TLN2: variants seen among roughly 807,000 people sequenced by gnomAD.
TLN2 encodes talin-2.
Under a neutral mutation model 294.7 loss-of-function variants are expected in TLN2, and 118 were observed. That is an observed-to-expected ratio of 0.40 (90% CI 0.34 to 0.47). The LOEUF is 0.47. Ranked by LOEUF, TLN2 falls within the 20% of genes least tolerant of loss-of-function variation. The pLI is 0.84. For synonymous variants in TLN2, 1,431 were observed against 1,304.5 expected, an observed-to-expected ratio of 1.10 and a Z score of -2.09; for missense variants, 3,083 against 3,282.2, an observed-to-expected ratio of 0.94 and a Z score of 1.48.
At chr15:62,772,511 C>G (rs1314254846) in intron 42 of TLN2, among the ~76,000 whole-genome samples, 1 of 152,128 alleles carries the variant, frequency 6.6e-6, no homozygotes, top group Non-Finnish European at 1.5e-5. Context: ...CAAAGGGGTG[C>G]CTCCCCCAAA....
intron 9 of TLN2, among the ~76,000 whole-genome samples, chr15:62,673,310 C>CTTTTTTTTGTTTTTTTTTT (rs2055687869): frequency 2.3e-5 from 1 of 42,856 alleles, no homozygotes; most frequent in Non-Finnish European, 4.3e-5. Flanking sequence ...TTAGATGTTG[C>CTTTTTTTTGTTTTTTTTTT]TTTTTTTTTT....
chr15:62,606,382 C>T (rs1295735269), intron 2 of TLN2, among the ~76,000 whole-genome samples: 4 of 152,056 alleles, frequency 2.6e-5, no homozygotes, highest in African/African-American at 4.8e-5. Context: ...TGAACCACCA[C>T]GCCTGGCCCC....
At chr15:62,575,293 G>A (rs763547776) in intron 1 of TLN2, among the ~76,000 whole-genome samples, 3 of 152,094 alleles carry the variant, frequency 2.0e-5, no homozygotes, top group South Asian at 2.1e-4. Flanking sequence ...GCACTCCAGC[G>A]TGAGTGACAG....
chr15:62,432,074 G>A (rs191366427), intron 1 of TLN2, among the ~76,000 whole-genome samples: 15 of 152,298 alleles, frequency 9.8e-5, no homozygotes, highest in African/African-American at 2.6e-4. Flanking sequence ...TCGTCCTGGT[G>A]TAATAGCAGT....
chr15:62,766,467 C>T, intron 41 of TLN2, 45 bp downstream of exon 41: 1 of 1,548,078 alleles, frequency 6.5e-7, no homozygotes, highest in Non-Finnish European at 8.9e-7. Flanking sequence ...CGTGTTATCA[C>T]AGGAGAGAGG....
At chr15:62,401,225 TCTC>T (rs2032997088) in intron 1 of TLN2, among the ~76,000 whole-genome samples, 1 of 152,176 alleles carries the variant, frequency 6.6e-6, no homozygotes, top group South Asian at 2.1e-4. Flanking sequence ...TTCTCACTGA[TCTC>T]CTAGTTCTAA....
intron 10 of TLN2, among the ~76,000 whole-genome samples, chr15:62,674,480 C>T (rs971460715): frequency 2.0e-5 from 3 of 150,988 alleles, no homozygotes; most frequent in Admixed American, 6.6e-5. Flanking sequence ...CGTGCACAGG[C>T]GTGTATTTAC....
intron 1 of TLN2, among the ~76,000 whole-genome samples, chr15:62,550,062 G>A (rs1251870120): frequency 1.3e-5 from 2 of 152,154 alleles, no homozygotes; most frequent in Non-Finnish European, 2.9e-5. Context: ...GGCTGGGAGG[G>A]TTGAGGGATG....
At chr15:62,801,895 G>A (rs1467574516) in intron 50 of TLN2, among the ~76,000 whole-genome samples, 1 of 152,178 alleles carries the variant, frequency 6.6e-6, no homozygotes, top group African/African-American at 2.4e-5. Context: ...GGCATGCAAT[G>A]CATAATAATC....
Position 62,836,260 on chromosome 15 carries a change from C to T in TLN2, c.7374+187C>T, listed in dbSNP as rs1220758148. Reference sequence around the variant, plus strand: ...ACTGCTGCCCCACCACGCTGCCATTCTCCTCGTGTGCCTTCTGGTCTCATG... The same window carrying T: ...ACTGCTGCCCCACCACGCTGCCATTTTCCTCGTGTGCCTTCTGGTCTCATG... On this transcript the variant is annotated intron_variant, in intron 57 of 58. Transcript: ENST00000636159. 54 of 863,316 alleles carry T rather than the reference C, an allele frequency of 6.3e-5. No homozygotes were observed. In the East Asian group the frequency reaches 1.3e-3, roughly 21 times the overall value. The allele number at this position is 863,316 out of a possible 1,614,324, so 53.5% of individuals were successfully genotyped here.
chr15:62,653,119 C>T, intron 6 of TLN2, 43 bp from the exon 7 acceptor site: 1 of 1,461,958 alleles, frequency 6.8e-7, no homozygotes, highest in Non-Finnish European at 9.2e-7. Context: ...AGGTTGACAG[C>T]AGTTTAATTA....
At chr15:62,722,551 C>G in intron 26 of TLN2, 64 bp downstream of exon 26, 1 of 1,541,810 alleles carries the variant, frequency 6.5e-7, no homozygotes, top group Admixed American at 1.8e-5. Flanking sequence ...ATGGGTACCA[C>G]CCAGGGCCTG....
intron 1 of TLN2, among the ~76,000 whole-genome samples, chr15:62,538,944 C>T (rs1335875952): frequency 1.3e-5 from 2 of 152,134 alleles, no homozygotes; most frequent in African/African-American, 4.8e-5. Context: ...CTCTGTTCTT[C>T]AGAGAAACAT....
intron 3 of TLN2, among the ~76,000 whole-genome samples, chr15:62,645,650 C>T (rs1243969094): frequency 6.6e-6 from 1 of 152,202 alleles, no homozygotes; most frequent in African/African-American, 2.4e-5. Context: ...TGGGCCTGGG[C>T]AGCCTGTTGT....
At chr15:62,682,000 C>T (rs1330034361) in intron 11 of TLN2, among the ~76,000 whole-genome samples, 1 of 152,168 alleles carries the variant, frequency 6.6e-6, no homozygotes, top group Non-Finnish European at 1.5e-5. Flanking sequence ...AGTGATCCTC[C>T]CACCTCAGTT....
chr15:62,513,752 A>T (rs575015691), intron 1 of TLN2, among the ~76,000 whole-genome samples: 1 of 152,220 alleles, frequency 6.6e-6, no homozygotes, highest in African/African-American at 2.4e-5. Flanking sequence ...TTCAATCCAG[A>T]TAGGGTCTAG....
intron 1 of TLN2, among the ~76,000 whole-genome samples, chr15:62,489,042 T>C (rs1173916331): frequency 6.6e-6 from 1 of 152,162 alleles, no homozygotes; most frequent in Non-Finnish European, 1.5e-5. Flanking sequence ...ATGCCTGTAG[T>C]CGCAGCTACT....
rs574947773 is a variant in TLN2, at chr15:62,804,595, G to C, written c.6478-1005G>C. Among the ~76,000 whole-genome samples the C allele has an allele frequency of 4.6e-5, 7 of 152,276 alleles. No homozygotes were observed. The South Asian group carries it at 1.5e-3, about 32-fold the overall frequency. On this transcript the variant is annotated intron_variant, in intron 50 of 58. Transcript: ENST00000636159. Reference sequence around the variant, plus strand: ...CTGAATAAAATTCACCCAGATCGTGGGTTTCCATGTAGCGCGTGCCATGAG... The same window carrying C: ...CTGAATAAAATTCACCCAGATCGTGCGTTTCCATGTAGCGCGTGCCATGAG...
At position 62,673,846 on chromosome 15, in the gene TLN2, A is replaced by C. The variant is rs757850065; in HGVS notation, c.808A>C (p.Lys270Gln). 6.2e-7 allele frequency: 1 copy of C among 1,613,466 alleles called. No individual in the cohort carries two copies. The highest frequency in any genetic ancestry group is 8.5e-7 in the Non-Finnish European group (1 of 1,179,666). The change falls in exon 10 of 59, where the codon AAA becomes CAA. Residue 270 changes from lysine (K) to glutamine (Q), a missense_variant. By Grantham distance (53) the Lys-to-Gln change is moderately conservative. Coordinates refer to ENST00000636159, the MANE Select transcript of TLN2 (RefSeq NM_015059.3). Reference sequence around the variant, plus strand: ...TCTTAGTCTGAAGGAATTCCTGCCCAAAGAATATATCAAGCAGAGAGGAGC... The same window carrying C: ...TCTTAGTCTGAAGGAATTCCTGCCCCAAGAATATATCAAGCAGAGAGGAGC... ...GFLDLKEFLPKEYIKQRGAEK... is the reference protein window; with the variant it reads ...GFLDLKEFLPQEYIKQRGAEK...
Sources: allele counts gnomAD v4.1 joint callset (sites outside exome capture counted in the v4.1 genomes callset), GRCh38; gene constraint gnomAD v4.1.1; transcripts MANE v1.5; gene names NCBI Gene and HGNC (gene_info 2026-07-23, HGNC 2026-07-21).